MPV17: variants seen among roughly 807,000 people sequenced by gnomAD.
MPV17 encodes MPV17, mitochondrial inner membrane protein.
In MPV17, 31 loss-of-function variants were observed where a neutral mutation model predicts 28.6. The observed-to-expected ratio is 1.08, with a 90% confidence interval of 0.81 to 1.46. The LOEUF is 1.46. MPV17 is among the 40% of genes most tolerant of loss of function. The pLI, the probability that MPV17 is intolerant of heterozygous loss-of-function variation, is 0.00. For missense variants in MPV17, 198 were observed against 216.2 expected (o/e 0.92, Z 0.53); for synonymous variants, 87 against 85.3 (o/e 1.02, Z -0.11).
chr2:27,321,982 TG>T (rs2148225025), intron 2 of MPV17: 1 of 193,974 alleles, frequency 5.2e-6, no homozygotes, highest in African/African-American at 2.3e-5. Flanking sequence ...ATCATTCTTT[TG>T]TATGTTTCAC....
intron 1 of MPV17, 72 bp downstream of exon 1, chr2:27,322,980 G>C: frequency 4.6e-6 from 1 of 218,338 alleles, no homozygotes; most frequent in African/African-American, 2.3e-5. Flanking sequence ...GATATAGGAT[G>C]ACCACACACC....
Position 27,309,756 on chromosome 2 carries a change from A to T in MPV17, c.*156T>A. ...CTCTAAAGCAGTCAGTGTACATTTT[A>T]GAGTGAAGAGGGGCATTGCAGGGTG... On this transcript the variant is annotated 3_prime_UTR_variant, in exon 8 of 8. Transcript: ENST00000380044. 1.4e-6 allele frequency: 1 copy of T among 704,164 alleles called. No individual in the cohort carries two copies. The highest frequency in any genetic ancestry group is 1.5e-5 in the South Asian group (1 of 65,772). 43.6% of individuals were successfully genotyped at this position (704,164 alleles called of 1,614,324 possible).
At chr2:27,320,168 C>G (rs1217162644) in intron 2 of MPV17, among the ~76,000 whole-genome samples, 1 of 149,916 alleles carries the variant, frequency 6.7e-6, no homozygotes, top group East Asian at 2.0e-4. Flanking sequence ...ACCCGGGAGG[C>G]GGAGGTTGCA....
intron 2 of MPV17, among the ~76,000 whole-genome samples, chr2:27,313,572 T>G (rs1008555632): frequency 6.6e-6 from 1 of 152,216 alleles, no homozygotes; most frequent in Admixed American, 6.5e-5. Flanking sequence ...TCCTAGACAC[T>G]GTTCTTTCCA....
At chr2:27,316,166 G>A (rs1454028468) in intron 2 of MPV17, 1 of 1,551,184 alleles carries the variant, frequency 6.4e-7, no homozygotes, top group Non-Finnish European at 8.7e-7. Context: ...CACCTCGTGG[G>A]GATGGCAGAC....
intron 2 of MPV17, chr2:27,316,271 G>A: frequency 1.4e-6 from 2 of 1,479,088 alleles, no homozygotes; most frequent in Non-Finnish European, 1.8e-6. Context: ...GAGCTGGAAT[G>A]AAAAGCCAAG....
In MPV17 at chr2:27,313,389, G is replaced by C; in HGVS notation, c.71-280C>G. 3 of 633,248 alleles carry C rather than the reference G, an allele frequency of 4.7e-6. No homozygotes were observed. In the South Asian group the frequency reaches 6.0e-5, roughly 13 times the overall value. The allele number at this position is 633,248 out of a possible 1,614,324, so 39.2% of individuals were successfully genotyped here. A position where few individuals can be genotyped will look rare whatever the true frequency, so the allele number is the denominator to read the frequency against. On this transcript the variant is annotated intron_variant, in intron 2 of 7. Transcript: ENST00000380044. Reference sequence around the variant, plus strand: ...AGGGAAGTCAGAGTCAGAAAGTATAGAGAGAGGAAGGAGAATTTAAGGCCA... The same window carrying C: ...AGGGAAGTCAGAGTCAGAAAGTATACAGAGAGGAAGGAGAATTTAAGGCCA...
Position 27,309,888 on chromosome 2 carries a change from T to G in MPV17, c.*24A>C. 1 of 1,604,864 alleles carries G rather than the reference T, an allele frequency of 6.2e-7. No individual in the cohort carries two copies. The highest frequency in any genetic ancestry group is 8.5e-7 in the Non-Finnish European group (1 of 1,171,710). On this transcript the variant is annotated 3_prime_UTR_variant, in exon 8 of 8. Coordinates refer to ENST00000380044, the MANE Select transcript of MPV17 (RefSeq NM_002437.5). ...AGGGTCAAGCTGCATCACTGCAAGG[T>G]GGAAACGATGGAGTGAGGCAGGCTT...
rs761480593 is a variant in MPV17 at position 27,312,813 on chromosome 2, A to G, written c.187-41T>C. ...AGATAGCAGCAGGCTGCAGTGAGGG[A>G]GCCCTAGGCCTCTACCTCACTAAGC... On this transcript the variant is annotated intron_variant, in intron 3 of 7. Transcript: ENST00000380044. 8 of 1,602,380 alleles carry G rather than the reference A, an allele frequency of 5.0e-6. No homozygotes were observed. The Admixed American group carries it at 6.7e-5, about 13-fold the overall frequency.
intron 2 of MPV17, 112 bp from the exon 3 acceptor site, chr2:27,313,221 G>A (rs776563191): frequency 3.7e-4 from 580 of 1,572,014 alleles, no homozygotes; most frequent in Non-Finnish European, 3.1e-4. Flanking sequence ...TGAACCCCAG[G>A]GCTTCATTGT....
At chr2:27,314,302 G>A (rs149232617) in intron 2 of MPV17, among the ~76,000 whole-genome samples, 1,881 of 152,044 alleles carry the variant, frequency 0.012, 41 homozygotes, top group African/African-American at 0.043. Flanking sequence ...CTGCCTGGGC[G>A]ACAGAACAAG....
chr2:27,318,037 C>T (rs556050202), intron 2 of MPV17, among the ~76,000 whole-genome samples: 5 of 151,482 alleles, frequency 3.3e-5, no homozygotes, highest in South Asian at 2.1e-4. Context: ...AGTAGCGGAG[C>T]GGAGTTATCC....
chr2:27,309,662 G>A lies in MPV17; in HGVS notation c.*250C>T, dbSNP rs1440787364. ...TGGGATATGGGTGTAAAGTTGATAAGGTCATGAAGGTTCAACAGATATTTA... is the reference window on the plus strand; with the variant it reads ...TGGGATATGGGTGTAAAGTTGATAAAGTCATGAAGGTTCAACAGATATTTA... On this transcript the variant is annotated 3_prime_UTR_variant, in exon 8 of 8. Coordinates refer to ENST00000380044, the MANE Select transcript of MPV17 (RefSeq NM_002437.5). The A allele has an allele frequency of 1.6e-5, 10 of 612,086 alleles. No individual in the cohort carries two copies. The African/African-American group carries it at 1.7e-4, about 10-fold the overall frequency. The allele number at this position is 612,086 out of a possible 1,614,324, so 37.9% of individuals were successfully genotyped here.
At chr2:27,319,835 A>C (rs1449447485) in intron 2 of MPV17, among the ~76,000 whole-genome samples, 1 of 151,338 alleles carries the variant, frequency 6.6e-6, no homozygotes, top group Non-Finnish European at 1.5e-5. Flanking sequence ...CTGACGCATG[A>C]TAATTGCTTG....
chr2:27,309,938 G>C lies in MPV17; in HGVS notation c.505C>G (p.Leu169Val), dbSNP rs748082349. The C allele has an allele frequency of 4.3e-6, 7 of 1,614,068 alleles. 1 individual carries two copies. In the South Asian group the frequency reaches 7.7e-5, roughly 18 times the overall value. The change falls in exon 8 of 8, where the codon CTG becomes GTG. Residue 169 changes from leucine (L) to valine (V), a missense_variant. Coordinates refer to ENST00000380044, the MANE Select transcript of MPV17 (RefSeq NM_002437.5). Reference protein sequence around the residue: ...QCVAVIWNSYLSWKAHRL With the variant: ...QCVAVIWNSYVSWKAHRL The stretch of plus-strand genomic sequence containing the variant: ...TAGAGCCGATGTGCCTTCCAGGACA[G>C]GTAGGAGTTCCAGATAACAGCAACA...
rs1428626588 is a variant in MPV17 at position 27,317,057 on chromosome 2, C to T, written c.71-3948G>A. The T allele has an allele frequency of 1.9e-5, 30 of 1,538,472 alleles. No homozygotes were observed. Among genetic ancestry groups the T allele is most frequent in the Non-Finnish European group, 2.5e-5 (29 of 1,141,114 alleles). On this transcript the variant is annotated intron_variant, in intron 2 of 7. Transcript: ENST00000380044. This position sits in a 1 kb window ranked among gnomAD's most constrained non-coding sequence, Gnocchi z 4.0. The stretch of plus-strand genomic sequence containing the variant: ...GGGCAGGGTAAATTCCCTACTTCTC[C>T]TATTTTGTTCCTCTACTTACTTTTG...
chr2:27,321,338 C>G (rs570913468), intron 2 of MPV17, among the ~76,000 whole-genome samples: 4 of 152,158 alleles, frequency 2.6e-5, no homozygotes, highest in Non-Finnish European at 5.9e-5. Context: ...GGTTGGGCAC[C>G]GGAGACTGGA....
intron 2 of MPV17, among the ~76,000 whole-genome samples, chr2:27,314,788 AC>A: frequency 6.6e-6 from 1 of 152,162 alleles, no homozygotes; most frequent in Non-Finnish European, 1.5e-5. Flanking sequence ...CTCAATTAGC[AC>A]TGGACAAACA....
At position 27,312,231 on chromosome 2, in the gene MPV17, G is replaced by A; in HGVS notation, c.391C>T (p.Leu131Phe). 2 of 1,614,086 alleles carry A rather than the reference G, an allele frequency of 1.2e-6. No individual in the cohort carries two copies. Among genetic ancestry groups the A allele is most frequent in the Non-Finnish European group, 1.7e-6 (2 of 1,179,938 alleles). Residue 131 changes from leucine (L) to phenylalanine (F), a missense_variant, in exon 6 of 8, where the codon CTT (leucine) becomes TTT (phenylalanine). Physicochemically the swap from Leu to Phe is conservative, Grantham distance 22. Coordinates refer to ENST00000380044, the MANE Select transcript of MPV17 (RefSeq NM_002437.5). ...GCTCTTACATAGTAGTTGGTGATAA[G>A]GGCATCAGGATAATCCTGGGGAGAC... Reference protein sequence around the residue: ...AKLQRDYPDALITNYYLWPAV... With the variant: ...AKLQRDYPDAFITNYYLWPAV...
Sources: gnomAD v4.1 joint callset for allele counts (sites outside exome capture counted in the v4.1 genomes callset) on GRCh38, gnomAD v4.1.1 for gene constraint, Gnocchi (gnomAD v3.1) non-coding constraint, MANE v1.5 for transcripts, NCBI Gene and HGNC (gene_info 2026-07-23, HGNC 2026-07-21) for gene names.